Variants in SASH1 observed in about 807,000 individuals in gnomAD.
SASH1 encodes the protein SAM and SH3 domain-containing protein 1.
In SASH1, 44 loss-of-function variants were observed where a neutral mutation model predicts 125.2. The observed-to-expected ratio is 0.35, with a 90% CI of 0.28 to 0.45. The LOEUF (loss-of-function observed/expected upper bound fraction) is 0.45. Ranked by LOEUF, SASH1 falls within the 20% of genes least tolerant of loss-of-function variation. The pLI is 1.00. For missense variants in SASH1, 1,426 were observed against 1,614.5 expected (o/e 0.88, Z 2.00); for synonymous variants, 639 against 649.1 (o/e 0.98, Z 0.24).
intron 16 of SASH1, among the ~76,000 whole-genome samples, chr6:148,540,083 C>T (rs937864645): frequency 1.3e-5 from 2 of 152,150 alleles, no homozygotes; most frequent in African/African-American, 4.8e-5. Context: ...TTCTTTGCTT[C>T]TCCTTGATGG....
At chr6:148,407,345 G>A (rs1458438616) in intron 2 of SASH1, among the ~76,000 whole-genome samples, 1 of 152,100 alleles carries the variant, frequency 6.6e-6, no homozygotes, top group African/African-American at 2.4e-5. Context: ...GTCCTTTTGT[G>A]ACTGTTTTTT....
chr6:148,214,278 C>T, the SASH1 span, among the ~76,000 whole-genome samples: 12 of 152,178 alleles, frequency 7.9e-5, no homozygotes, highest in Admixed American at 2.6e-4. Context: ...TAGGCATGTT[C>T]GTACAAAATG....
chr6:148,516,151 C>T (rs1324552604), intron 9 of SASH1, among the ~76,000 whole-genome samples: 1 of 152,188 alleles, frequency 6.6e-6, no homozygotes, highest in Non-Finnish European at 1.5e-5. Flanking sequence ...AATTCTGGCT[C>T]TGAACTTTAA....
the SASH1 span, among the ~76,000 whole-genome samples, chr6:148,253,488 A>G: frequency 6.6e-6 from 1 of 152,210 alleles, no homozygotes; most frequent in Non-Finnish European, 1.5e-5. Context: ...CTTACCTTAG[A>G]TTTGGCAATG....
rs543821364 is a variant in SASH1, at chr6:148,284,196, T to A, written n.74+11819T>A. 1.4e-4 allele frequency among the ~76,000 whole-genome samples: 21 copies of A among 152,290 alleles called. No individual in the cohort carries two copies. The South Asian group carries it at 4.4e-3, about 32-fold the overall frequency. On this transcript the variant is annotated intron_variant and non_coding_transcript_variant, in intron 1 of 3. Transcript: ENST00000367469. Reference sequence around the variant, plus strand: ...GCGCACGCCTGTAATCCCAGCAATTTGGGAGGCCGAGGCGGGCAGATCACC... The same window carrying A: ...GCGCACGCCTGTAATCCCAGCAATTAGGGAGGCCGAGGCGGGCAGATCACC...
Position 148,348,303 on chromosome 6 carries a change from A to T in SASH1, c.156+5080A>T, listed in dbSNP as rs145410259. ...GCCACTGCGCCTGGCCGGCTTTGATAATTTTGGTTGGGGTTGCCGAATCTT... is the reference window on the plus strand; with the variant it reads ...GCCACTGCGCCTGGCCGGCTTTGATTATTTTGGTTGGGGTTGCCGAATCTT... On this transcript the variant is annotated intron_variant, in intron 1 of 19. Transcript: ENST00000367467. 3.2e-3 allele frequency among the ~76,000 whole-genome samples: 483 copies of T among 152,196 alleles called. 5 individuals are homozygous for T. The highest frequency in any genetic ancestry group is 0.011 in the African/African-American group (472 of 41,526).
rs2294784 is a variant in SASH1, at chr6:148,531,255, T to C, written c.1429-271T>C. Among the ~76,000 whole-genome samples the C allele has an allele frequency of 0.17, 26,206 of 150,638 alleles. 2,428 individuals carry two copies. Among genetic ancestry groups the C allele is most frequent in the African/African-American group, 0.24 (9,481 of 40,124 alleles). On this transcript the variant is annotated intron_variant, in intron 12 of 19. Transcript: ENST00000367467. ...TAAACCTTTAAGTATTTTGTCTGTG[T>C]GGTAGACAGATTTTTTTTTTCTTGG... is the stretch of plus-strand genomic sequence containing the variant.
intron 2 of SASH1, among the ~76,000 whole-genome samples, chr6:148,421,224 A>G (rs1000716030): frequency 7.2e-5 from 11 of 151,782 alleles, no homozygotes; most frequent in African/African-American, 1.7e-4. Flanking sequence ...AAAAAGAAAG[A>G]AAGAAGGAAG....
chr6:148,514,323 G>C lies in SASH1; in HGVS notation c.730-1G>C, dbSNP rs1263817024. 6.3e-7 allele frequency: 1 copy of C among 1,598,764 alleles called. No individual in the cohort carries two copies. Among genetic ancestry groups the C allele is most frequent in the East Asian group, 2.2e-5 (1 of 44,662 alleles). On this transcript the variant is annotated splice_acceptor_variant, in intron 8 of 19. Coordinates refer to ENST00000367467, the MANE Select transcript of SASH1 (RefSeq NM_015278.5). LOFTEE classifies it high-confidence loss of function. ...AACTTTTTCCTTTGTTTCTTTGCCA[G>C]TCAAGAGAACAATCGGATGATGAGA...
upstream of SASH1, among the ~76,000 whole-genome samples, chr6:148,269,955 A>T (rs1273639289): frequency 6.6e-6 from 1 of 152,204 alleles, no homozygotes; most frequent in Non-Finnish European, 1.5e-5. Flanking sequence ...GAAAATGATC[A>T]TCTCCCAGTT....
chr6:148,541,244 C>T (rs1782198837), intron 17 of SASH1, among the ~76,000 whole-genome samples: 1 of 151,058 alleles, frequency 6.6e-6, no homozygotes, highest in Admixed American at 6.6e-5. Flanking sequence ...ATAAAAAATG[C>T]CCAGGTTTGA....
chr6:148,277,864 G>A (rs562092302), intron 1 of SASH1, among the ~76,000 whole-genome samples: 31 of 149,822 alleles, frequency 2.1e-4, no homozygotes, highest in Admixed American at 4.0e-4. Flanking sequence ...CTACAGGCGC[G>A]CGCCACCAAG....
intron 1 of SASH1, among the ~76,000 whole-genome samples, chr6:148,346,514 G>A (rs10457067): frequency 0.23 from 35,045 of 150,500 alleles, 4,640 homozygotes; most frequent in African/African-American, 0.37. Flanking sequence ...TAACTAGATT[G>A]TGAGTGCCTG....
chr6:148,373,156 A>G (rs959439434), intron 1 of SASH1, among the ~76,000 whole-genome samples: 2 of 152,064 alleles, frequency 1.3e-5, no homozygotes, highest in African/African-American at 2.4e-5. Flanking sequence ...GCGCCATTGC[A>G]CTCCAGCCTG....
the SASH1 span, among the ~76,000 whole-genome samples, chr6:148,197,424 C>G: frequency 1.3e-5 from 2 of 152,196 alleles, no homozygotes; most frequent in Non-Finnish European, 2.9e-5. Context: ...TAGATTTATT[C>G]CTAAGACTAG....
At chr6:148,363,249 G>T (rs1312202940) in intron 1 of SASH1, among the ~76,000 whole-genome samples, 2 of 152,202 alleles carry the variant, frequency 1.3e-5, no homozygotes, top group Non-Finnish European at 2.9e-5. Flanking sequence ...TGTTCTGGAG[G>T]ACGTGGCGGT....
chr6:148,205,868 A>C, the SASH1 span, among the ~76,000 whole-genome samples: 1 of 152,140 alleles, frequency 6.6e-6, no homozygotes. Flanking sequence ...CCTCCTGCTC[A>C]AATCCAGCAT....
At chr6:148,275,689 A>G (rs916068555) in intron 1 of SASH1, among the ~76,000 whole-genome samples, 3 of 152,186 alleles carry the variant, frequency 2.0e-5, no homozygotes, top group African/African-American at 7.2e-5. Flanking sequence ...TAAGATCTTA[A>G]AAGTACCGCT....
At chr6:148,512,931 G>A (rs1207565721) in intron 8 of SASH1, 2 of 985,280 alleles carry the variant, frequency 2.0e-6, no homozygotes, top group Admixed American at 6.1e-5. Flanking sequence ...AAAGTACCAT[G>A]GCTCCATGCC....
Sources: gnomAD v4.1 joint callset for allele counts (sites outside exome capture counted in the v4.1 genomes callset) on GRCh38, gnomAD v4.1.1 for gene constraint, MANE v1.5 for transcripts, NCBI Gene and HGNC (gene_info 2026-07-23, HGNC 2026-07-21) for gene names.